CRK: variants seen among roughly 807,000 people sequenced by gnomAD.
The protein encoded by CRK is adapter molecule crk.
A neutral mutation model predicts 29.8 loss-of-function variants in CRK; 4 were observed. The observed-to-expected ratio is 0.13, with a 90% CI of 0.07 to 0.31. The LOEUF (loss-of-function observed/expected upper bound fraction) is 0.31, where lower values mean the gene tolerates loss of function less well. CRK is among the 10% of genes least tolerant of loss of function. CRK has a pLI of 1.00. For missense variants in CRK, 274 were observed against 396.5 expected (o/e 0.69, Z 2.62); for synonymous variants, 153 against 164.9 (o/e 0.93, Z 0.55).
chr17:1,427,119 G>C (rs1306592711), intron 2 of CRK, among the ~76,000 whole-genome samples: 3 of 124,234 alleles, frequency 2.4e-5, no homozygotes, highest in Non-Finnish European at 3.3e-5. Flanking sequence ...GCAAGACTGT[G>C]TCTCTTGAAA....
intron 2 of CRK, among the ~76,000 whole-genome samples, chr17:1,435,694 T>TC (rs370559559): frequency 1.3e-5 from 2 of 151,780 alleles, no homozygotes; most frequent in African/African-American, 4.9e-5. Context: ...TTTTTTTTTT[T>TC]CACTTTTTGT....
chr17:1,454,351 G>C (rs2074040810), intron 1 of CRK, among the ~76,000 whole-genome samples: 1 of 152,146 alleles, frequency 6.6e-6, no homozygotes, highest in African/African-American at 2.4e-5. Flanking sequence ...GACCAGCCTG[G>C]CCAACCTGGT....
chr17:1,450,850 C>T (rs2074011831), intron 1 of CRK, among the ~76,000 whole-genome samples: 1 of 151,884 alleles, frequency 6.6e-6, no homozygotes, highest in Non-Finnish European at 1.5e-5. Context: ...CGCGCCACTG[C>T]ACTCCAGACG....
chr17:1,421,941 T>C lies in CRK; in HGVS notation c.*1572A>G, dbSNP rs2073729503. Reference sequence around the variant, plus strand: ...GTTTCATGCTGTCGTCTAAATAGCCTAGGTCATTTTTGGTCTCATAGGTCT... The same window carrying C: ...GTTTCATGCTGTCGTCTAAATAGCCCAGGTCATTTTTGGTCTCATAGGTCT... On this transcript the variant is annotated 3_prime_UTR_variant, in exon 3 of 3. Transcript: ENST00000300574. 6.6e-6 allele frequency: 1 copy of C among 152,116 alleles called. No homozygotes were observed. Among genetic ancestry groups the C allele is most frequent in the South Asian group, 2.1e-4 (1 of 4,820 alleles). 9.4% of individuals were successfully genotyped at this position (152,116 alleles called of 1,614,324 possible).
chr17:1,432,528 A>G (rs1425690528), intron 2 of CRK, among the ~76,000 whole-genome samples: 1 of 149,366 alleles, frequency 6.7e-6, no homozygotes, highest in South Asian at 2.1e-4. Flanking sequence ...CTGTAATCCC[A>G]GCACTTTGGG....
Position 1,436,682 on chromosome 17 carries a change from A to G in CRK, c.715T>C (p.Tyr239His). The G allele has an allele frequency of 6.2e-7, 1 of 1,612,734 alleles. No individual in the cohort carries two copies. Among genetic ancestry groups the G allele is most frequent in the Non-Finnish European group, 8.5e-7 (1 of 1,179,534 alleles). ...PLPNLQNGPI[Y>H]ARVIQKRVPN... is the part of the protein sequence containing the mutation. Reference sequence around the variant, plus strand: ...ACTCGCTTCTGGATAACCCTGGCATATATGGGCCCATTCTGGAGGTTAGGG... The same window carrying G: ...ACTCGCTTCTGGATAACCCTGGCATGTATGGGCCCATTCTGGAGGTTAGGG... The change falls in exon 2 of 3, where the codon TAT (tyrosine) becomes CAT (histidine). Residue 239 changes from tyrosine to histidine, a missense_variant. Around this residue, in one of 3 missense-constraint regions of CRK, gnomAD observed 121 missense variants for 154.3 expected, o/e 0.78. Transcript: ENST00000300574.
chr17:1,445,482 A>C (rs544265221), intron 1 of CRK, among the ~76,000 whole-genome samples: 1 of 152,328 alleles, frequency 6.6e-6, no homozygotes, highest in South Asian at 2.1e-4. Context: ...GATGATCGCA[A>C]AAGTTCCGAG....
At chr17:1,435,008 A>C (rs1057188789) in intron 2 of CRK, among the ~76,000 whole-genome samples, 1 of 152,158 alleles carries the variant, frequency 6.6e-6, no homozygotes, top group African/African-American at 2.4e-5. Flanking sequence ...TAGAAGCAAA[A>C]TTCACATGAT....
chr17:1,441,567 C>A (rs549075867), intron 1 of CRK, among the ~76,000 whole-genome samples: 2 of 151,692 alleles, frequency 1.3e-5, no homozygotes, highest in African/African-American at 4.8e-5. Context: ...TCTTGGCTCA[C>A]GGCAACCTCC....
At chr17:1,431,806 A>T (rs1355063944) in intron 2 of CRK, among the ~76,000 whole-genome samples, 3 of 152,190 alleles carry the variant, frequency 2.0e-5, no homozygotes, top group African/African-American at 7.2e-5. Context: ...GTACTACTTC[A>T]AATACAAAGG....
At chr17:1,450,374 G>A (rs964977923) in intron 1 of CRK, among the ~76,000 whole-genome samples, 1 of 151,898 alleles carries the variant, frequency 6.6e-6, no homozygotes, top group African/African-American at 2.4e-5. Flanking sequence ...GGGCATAGTG[G>A]CGGGCGCCTG....
At chr17:1,443,267 C>G (rs1228826226) in intron 1 of CRK, among the ~76,000 whole-genome samples, 5 of 152,176 alleles carry the variant, frequency 3.3e-5, no homozygotes, top group African/African-American at 1.2e-4. Flanking sequence ...CAGGTGTGAG[C>G]CACTGCACCC....
At chr17:1,448,159 G>C (rs2073989384) in intron 1 of CRK, among the ~76,000 whole-genome samples, 1 of 151,768 alleles carries the variant, frequency 6.6e-6, no homozygotes, top group Non-Finnish European at 1.5e-5. Context: ...AAGATATATG[G>C]TCTCCTAAGC....
chr17:1,441,899 A>T (rs113054249), intron 1 of CRK, among the ~76,000 whole-genome samples: 2,953 of 152,092 alleles, frequency 0.019, 104 homozygotes, highest in African/African-American at 0.067. Flanking sequence ...TCTGTGGCCC[A>T]GGCTGGAGTG....
At position 1,455,728 on chromosome 17, in the gene CRK, C is replaced by A. The variant is rs61762264; in HGVS notation, c.241+149G>T. ...CACACTCCTGCTCCCCGGGTGAGAG[C>A]GAGCCCGAGCAGCCGGCGGGCCCCT... On this transcript the variant is annotated intron_variant, in intron 1 of 2. Transcript: ENST00000300574. 2,377 of 1,203,020 alleles carry A rather than the reference C, an allele frequency of 2.0e-3. 4 individuals are homozygous for A. The highest frequency in any genetic ancestry group is 2.4e-3 in the Non-Finnish European group (2,263 of 925,916). The allele number at this position is 1,203,020 out of a possible 1,614,324, so 74.5% of individuals were successfully genotyped here. A position where few individuals can be genotyped will look rare whatever the true frequency, so the allele number is the denominator to read the frequency against.
intron 2 of CRK, among the ~76,000 whole-genome samples, chr17:1,430,407 A>G (rs1203151769): frequency 2.0e-5 from 3 of 150,122 alleles, no homozygotes; most frequent in East Asian, 4.0e-4. Flanking sequence ...CCCAGGCTGG[A>G]GTGCAGTGGC....
intron 1 of CRK, among the ~76,000 whole-genome samples, chr17:1,440,854 T>C (rs2073929797): frequency 1.3e-5 from 2 of 152,054 alleles, no homozygotes; most frequent in South Asian, 4.1e-4. Context: ...CCGTGAGTCG[T>C]GATCATGCCA....
intron 1 of CRK, among the ~76,000 whole-genome samples, chr17:1,450,953 G>A (rs1236132364): frequency 1.3e-5 from 2 of 151,906 alleles, no homozygotes; most frequent in East Asian, 3.9e-4. Context: ...AGCACTTTAG[G>A]AGGCCGAGGC....
intron 1 of CRK, among the ~76,000 whole-genome samples, chr17:1,441,325 A>T (rs574627374): frequency 1.3e-5 from 2 of 151,930 alleles, no homozygotes; most frequent in Non-Finnish European, 1.5e-5. Flanking sequence ...TCCTGAGTAC[A>T]TGATTTTGTT....
Sources: gnomAD v4.1 joint callset for allele counts (sites outside exome capture counted in the v4.1 genomes callset) on GRCh38, gnomAD v4.1.1 for gene constraint, gnomAD v4.1.1 regional missense constraint, MANE v1.5 for transcripts, NCBI Gene and HGNC (gene_info 2026-07-23, HGNC 2026-07-21) for gene names.